UBAP2: variants seen among roughly 807,000 people sequenced by gnomAD.
UBAP2 encodes ubiquitin associated protein 2.
In UBAP2, 75 loss-of-function variants were observed where a neutral mutation model predicts 139.6. The ratio of observed to expected loss-of-function variants is 0.54; its 90% confidence interval spans 0.45 to 0.65. UBAP2 has a LOEUF of 0.65. UBAP2 is among the 30% of genes least tolerant of loss of function. The probability of loss-of-function intolerance (pLI) is 0.00; values close to 1 mark genes in which losing one functional copy is unlikely to be tolerated. For missense variants in UBAP2, 1,368 were observed against 1,369.6 expected (o/e 1.00, Z 0.02); for synonymous variants, 526 against 526.2 (o/e 1.00, Z 0.01).
intron 1 of UBAP2, among the ~76,000 whole-genome samples, chr9:34,045,560 G>C (rs1415805762): frequency 6.6e-6 from 1 of 151,810 alleles, no homozygotes; most frequent in Non-Finnish European, 1.5e-5. Flanking sequence ...TTTTAGTAGA[G>C]ACGGGGTTTC....
chr9:33,926,938 C>T, intron 21 of UBAP2, 51 bp downstream of exon 21: 1 of 1,576,098 alleles, frequency 6.3e-7, no homozygotes, highest in Non-Finnish European at 8.7e-7. Flanking sequence ...CAGGTGCCAG[C>T]CCCCGAGGCC....
chr9:33,986,624 T>G (rs1821239192), intron 6 of UBAP2, 136 bp downstream of exon 6: 3 of 784,628 alleles, frequency 3.8e-6, no homozygotes, highest in South Asian at 1.5e-5. Context: ...CAGGCATCAG[T>G]AAACAAATGA....
chr9:33,973,045 C>T (rs1828027025), intron 7 of UBAP2, 138 bp downstream of exon 7: 1 of 756,594 alleles, frequency 1.3e-6, no homozygotes, highest in Non-Finnish European at 2.2e-6. Flanking sequence ...TATTATTTTT[C>T]TTATTTGTAA....
In UBAP2 at chr9:34,042,604, T is replaced by C. The variant is rs536215391; in HGVS notation, c.-42+6221A>G. Among the ~76,000 whole-genome samples the C allele has an allele frequency of 1.9e-4, 29 of 150,388 alleles. 1 individual carries two copies. The highest frequency in any genetic ancestry group is 7.1e-4 in the African/African-American group (29 of 40,830). ...GAGTTCAAGACCACCCTGGGCAACATAGCTAGACCTTGTCTCTATTTTAAA... is the reference window on the plus strand; with the variant it reads ...GAGTTCAAGACCACCCTGGGCAACACAGCTAGACCTTGTCTCTATTTTAAA... On this transcript the variant is annotated intron_variant, in intron 1 of 28. Coordinates refer to ENST00000379238, the MANE Select transcript of UBAP2 (RefSeq NM_001370062.2).
chr9:33,924,489 C>T (rs1010125813), intron 22 of UBAP2, among the ~76,000 whole-genome samples: 1 of 152,180 alleles, frequency 6.6e-6, no homozygotes, highest in Non-Finnish European at 1.5e-5. Flanking sequence ...GCACACAGAC[C>T]GGCCAACCCT....
At position 33,935,877 on chromosome 9, in the gene UBAP2, T is replaced by C. The variant is rs749663485; in HGVS notation, c.1931A>G (p.Asn644Ser). The C allele has an allele frequency of 6.8e-6, 11 of 1,612,120 alleles. No individual in the cohort carries two copies. The highest frequency in any genetic ancestry group is 5.3e-5 in the African/African-American group (4 of 74,844). ...CTGACTTCGACCACCACCATGTCCA[T>C]TCTATAAGGAAAAGAAGAGAAGAGA... The part of the protein sequence containing the change: ...SSESAPGTIM[N>S]GHGGGRSQQT... Residue 644 changes from asparagine to serine, a missense_variant and splice_region_variant, in exon 17 of 29, where the codon AAT becomes AGT. Transcript: ENST00000379238.
At chr9:33,965,730 T>A (rs1431241588) in intron 8 of UBAP2, among the ~76,000 whole-genome samples, 2 of 152,216 alleles carry the variant, frequency 1.3e-5, no homozygotes, top group East Asian at 3.8e-4. Context: ...TCTTGCTTAC[T>A]GCAGTGTTAG....
chr9:33,998,214 A>C (rs1319794578), intron 3 of UBAP2: 2 of 152,258 alleles, frequency 1.3e-5, no homozygotes, highest in East Asian at 3.9e-4. Context: ...CCTAGGCAAC[A>C]CTGCAGGACT....
intron 8 of UBAP2, among the ~76,000 whole-genome samples, chr9:33,966,723 T>C (rs1464605632): frequency 6.6e-6 from 1 of 152,162 alleles, no homozygotes; most frequent in African/African-American, 2.4e-5. Flanking sequence ...CTAAAAAAAG[T>C]ACTGTTTTTC....
At chr9:34,014,939 G>A (rs1400770628) in intron 2 of UBAP2, among the ~76,000 whole-genome samples, 1 of 152,126 alleles carries the variant, frequency 6.6e-6, no homozygotes, top group African/African-American at 2.4e-5. Context: ...CAAGCACTGA[G>A]TAGCAGAGAT....
At chr9:33,963,585 C>A (rs947547211) in intron 9 of UBAP2, 141 bp downstream of exon 9, 3 of 524,922 alleles carry the variant, frequency 5.7e-6, no homozygotes, top group African/African-American at 5.7e-5. Context: ...AACTGCAAAT[C>A]TGATTACCAA....
At chr9:33,993,912 T>TTTTTG in intron 4 of UBAP2, among the ~76,000 whole-genome samples, 1 of 151,312 alleles carries the variant, frequency 6.6e-6, no homozygotes, top group Admixed American at 6.6e-5. Flanking sequence ...TTTTTTTTTT[T>TTTTTG]GAGACCGAGT....
chr9:33,932,531 C>CGGAGGA, intron 19 of UBAP2, 31 bp downstream of exon 19: 1 of 1,612,012 alleles, frequency 6.2e-7, no homozygotes, highest in Non-Finnish European at 8.5e-7. Context: ...CCAAGCATGG[C>CGGAGGA]GGAGGAAGAG....
chr9:33,992,234 C>CAAAA (rs1295107087), intron 4 of UBAP2, among the ~76,000 whole-genome samples: 1 of 151,740 alleles, frequency 6.6e-6, no homozygotes, highest in African/African-American at 2.4e-5. Context: ...ACTAAAAATA[C>CAAAA]AAAATTAGCC....
At chr9:33,951,439 C>T (rs1826100107) in intron 12 of UBAP2, among the ~76,000 whole-genome samples, 1 of 143,730 alleles carries the variant, frequency 7.0e-6, no homozygotes, top group African/African-American at 2.5e-5. Context: ...CTCCACCTCC[C>T]GGGTTCAAGT....
rs148382050 is a variant in UBAP2, at chr9:33,944,506, T to A, written c.1404A>T (p.Ser468=). The A allele has an allele frequency of 9.9e-6, 16 of 1,613,966 alleles. No individual in the cohort carries two copies. The highest frequency in any genetic ancestry group is 3.3e-5 in the Admixed American group (2 of 59,980). The change falls in exon 14 of 29, where the codon TCA becomes TCT. Residue 468 remains serine, a synonymous_variant. Transcript: ENST00000379238. ...CAGTGGAGGGACTGTCTCCAGGTGTTGATTCTCGAAGTTTTGCCTGGGAAG... is the reference window on the plus strand; with the variant it reads ...CAGTGGAGGGACTGTCTCCAGGTGTAGATTCTCGAAGTTTTGCCTGGGAAG... ...SFPSQAKLRE[S]TPGDSPSTVN... is the part of the protein sequence containing the mutation.
At chr9:33,925,569 A>T (rs1480013113) in intron 22 of UBAP2, among the ~76,000 whole-genome samples, 1 of 152,186 alleles carries the variant, frequency 6.6e-6, no homozygotes, top group African/African-American at 2.4e-5. Context: ...GGGGCTCAGC[A>T]CCACCTCCTG....
chr9:34,022,631 G>T (rs1437883648), intron 1 of UBAP2, among the ~76,000 whole-genome samples: 1 of 151,530 alleles, frequency 6.6e-6, no homozygotes. Flanking sequence ...TAGAGATGGG[G>T]TTTCACCATG....
intron 3 of UBAP2, chr9:33,997,821 C>T (rs1822327173): frequency 6.6e-6 from 1 of 152,148 alleles, no homozygotes; most frequent in Non-Finnish European, 1.5e-5. Context: ...ATGAAGATCT[C>T]ATTCCAGAGA....
Sources: gnomAD v4.1 joint callset for allele counts (sites outside exome capture counted in the v4.1 genomes callset) on GRCh38, gnomAD v4.1.1 for gene constraint, MANE v1.5 for transcripts, NCBI Gene and HGNC (gene_info 2026-07-23, HGNC 2026-07-21) for gene names.